Variants in ABI1 observed in about 807,000 individuals in gnomAD.
The protein encoded by ABI1 is Abelson interactor 1.
In ABI1, 14 loss-of-function variants were observed where a neutral mutation model predicts 54.6. The observed-to-expected ratio is 0.26, with a 90% CI of 0.17 to 0.40. The LOEUF (loss-of-function observed/expected upper bound fraction) is 0.40, where lower values mean the gene tolerates loss of function less well. ABI1 is among the 10% of genes least tolerant of loss of function. The pLI, the probability that ABI1 is intolerant of heterozygous loss-of-function variation, is 1.00. For missense variants in ABI1, 443 were observed against 598.3 expected, an observed-to-expected ratio of 0.74 and a Z score of 2.71; for synonymous variants, 194 against 209.3, an observed-to-expected ratio of 0.93 and a Z score of 0.63.
In ABI1 at chr10:26,801,546, C is replaced by CA. The variant is rs879767122; in HGVS notation, c.285+21591dup. ...TAGGCGATAGGACCAGAACTTGTCT[C>CA]AAAAAAAAAAAGGAAAAAAGAAAAT... is the stretch of plus-strand genomic sequence containing the variant. On this transcript the variant is annotated intron_variant, in intron 2 of 10. Transcript: ENST00000376140. Among the ~76,000 whole-genome samples the CA allele has an allele frequency of 9.1e-3, 1,225 of 135,344 alleles. 16 individuals carry two copies. Among genetic ancestry groups the CA allele is most frequent in the African/African-American group, 0.028 (1,043 of 36,752 alleles). The allele number at this position is 135,344 out of a possible 152,430, so 88.8% of individuals were successfully genotyped here.
At chr10:26,849,129 C>G (rs2050205860) in intron 1 of ABI1, among the ~76,000 whole-genome samples, 1 of 152,014 alleles carries the variant, frequency 6.6e-6, no homozygotes, top group South Asian at 2.1e-4. Context: ...ACAGGGGGTC[C>G]ACGAGGTCTA....
chr10:26,758,155 T>C (rs1425496494), intron 8 of ABI1, among the ~76,000 whole-genome samples: 1 of 150,776 alleles, frequency 6.6e-6, no homozygotes, highest in African/African-American at 2.4e-5. Flanking sequence ...TAAAAAGAAC[T>C]TAAAGCAACC....
At chr10:26,822,856 C>G (rs2048072324) in intron 2 of ABI1, among the ~76,000 whole-genome samples, 1 of 152,098 alleles carries the variant, frequency 6.6e-6, no homozygotes, top group Non-Finnish European at 1.5e-5. Flanking sequence ...CAGAAAAGCT[C>G]TTAACAGTAG....
intron 2 of ABI1, among the ~76,000 whole-genome samples, chr10:26,791,227 A>G (rs1331945856): frequency 6.6e-6 from 1 of 152,176 alleles, no homozygotes; most frequent in Non-Finnish European, 1.5e-5. Context: ...CAAAGTAAAA[A>G]TTACTAGAAC....
intron 2 of ABI1, among the ~76,000 whole-genome samples, chr10:26,782,359 C>G (rs997222873): frequency 6.6e-6 from 1 of 151,774 alleles, no homozygotes; most frequent in Admixed American, 6.6e-5. Flanking sequence ...CAAAAAACCT[C>G]AACAACAACA....
At chr10:26,800,242 G>A (rs113240247) in intron 2 of ABI1, among the ~76,000 whole-genome samples, 38 of 151,974 alleles carry the variant, frequency 2.5e-4, no homozygotes, top group African/African-American at 8.2e-4. Context: ...AAAATTAGCC[G>A]GGCATGGTGG....
chr10:26,817,063 G>C (rs1323963332), intron 2 of ABI1, among the ~76,000 whole-genome samples: 1 of 151,514 alleles, frequency 6.6e-6, no homozygotes, highest in African/African-American at 2.4e-5. Flanking sequence ...ACACTGGTGG[G>C]ATCTCAGCTC....
Position 26,747,046 on chromosome 10 carries a change from G to A in ABI1, c.*1524C>T, listed in dbSNP as rs1837011455. 4.4e-6 allele frequency: 1 copy of A among 226,012 alleles called. No individual in the cohort carries two copies. The highest frequency in any genetic ancestry group is 8.8e-6 in the Non-Finnish European group (1 of 113,210). The allele number at this position is 226,012 out of a possible 1,614,324, so 14.0% of individuals were successfully genotyped here. A position where few individuals can be genotyped will look rare whatever the true frequency, so the allele number is the denominator to read the frequency against. On this transcript the variant is annotated 3_prime_UTR_variant, in exon 11 of 11. Transcript: ENST00000376140. ...ACTTTGTTTGTTTAAAATTAACAAA[G>A]GCAAAATGCATATGAAATAGTCACA...
intron 2 of ABI1, among the ~76,000 whole-genome samples, chr10:26,795,151 A>T (rs1386277517): frequency 6.6e-6 from 1 of 151,950 alleles, no homozygotes; most frequent in Non-Finnish European, 1.5e-5. Context: ...CAAAAAAAAA[A>T]AAAAACCAAA....
In ABI1 at chr10:26,769,106, T is replaced by C. The variant is rs1423480242; in HGVS notation, c.579-114A>G. On this transcript the variant is annotated intron_variant, in intron 5 of 10. Coordinates refer to ENST00000376140, the MANE Select transcript of ABI1 (RefSeq NM_001012750.3). Reference sequence around the variant, plus strand: ...ATGTATACCAGGATTTAAAAATATATATGACAAAGTTTGTAATTTTAAAAA... The same window carrying C: ...ATGTATACCAGGATTTAAAAATATACATGACAAAGTTTGTAATTTTAAAAA... 1.7e-5 allele frequency: 13 copies of C among 784,172 alleles called. No homozygotes were observed. In the East Asian group the frequency reaches 4.0e-4, roughly 24 times the overall value. 48.6% of individuals were successfully genotyped at this position (784,172 alleles called of 1,614,324 possible).
chr10:26,760,885 T>C (rs1243976683), intron 7 of ABI1, among the ~76,000 whole-genome samples: 1 of 57,944 alleles, frequency 1.7e-5, no homozygotes, highest in African/African-American at 9.7e-5. Context: ...AAAGACTCCA[T>C]CTCAAAAAAA....
At chr10:26,829,377 G>T (rs2048520331) in intron 1 of ABI1, among the ~76,000 whole-genome samples, 1 of 152,074 alleles carries the variant, frequency 6.6e-6, no homozygotes, top group Non-Finnish European at 1.5e-5. Flanking sequence ...CCTAAAACAG[G>T]CTGTGTATCA....
At chr10:26,835,535 A>G (rs2049006161) in intron 1 of ABI1, among the ~76,000 whole-genome samples, 1 of 151,952 alleles carries the variant, frequency 6.6e-6, no homozygotes, top group Admixed American at 6.6e-5. Context: ...TGATCACACC[A>G]CTGCATTTCA....
chr10:26,763,940 G>C, intron 7 of ABI1: 2 of 1,612,752 alleles, frequency 1.2e-6, no homozygotes, highest in South Asian at 2.2e-5. Flanking sequence ...GCTCCAGAAG[G>C]AGGAGGGACA....
At chr10:26,827,976 C>T (rs1046435732) in intron 1 of ABI1, among the ~76,000 whole-genome samples, 10 of 152,220 alleles carry the variant, frequency 6.6e-5, no homozygotes, top group African/African-American at 2.4e-4. Flanking sequence ...GCATTCACAA[C>T]TTAGCTAAAG....
At chr10:26,858,968 C>G (rs543977865) in intron 1 of ABI1, among the ~76,000 whole-genome samples, 4 of 152,122 alleles carry the variant, frequency 2.6e-5, no homozygotes, top group African/African-American at 7.2e-5. Context: ...ACTTACTGTG[C>G]TCTCCTTTTG....
At chr10:26,839,789 G>GA (rs1225246214) in intron 1 of ABI1, 1 of 700,292 alleles carries the variant, frequency 1.4e-6, no homozygotes, top group Non-Finnish European at 2.6e-6. Context: ...TGTCTCTACA[G>GA]AAAAAATAAA....
chr10:26,831,988 T>C (rs918113790), intron 1 of ABI1, among the ~76,000 whole-genome samples: 4 of 152,228 alleles, frequency 2.6e-5, no homozygotes, highest in Non-Finnish European at 5.9e-5. Context: ...GTCAAAAAAA[T>C]GTTTTACAAC....
intron 1 of ABI1, among the ~76,000 whole-genome samples, chr10:26,826,944 C>T (rs949255343): frequency 2.0e-5 from 3 of 151,244 alleles, no homozygotes; most frequent in South Asian, 2.1e-4. Flanking sequence ...GACGGAGTCT[C>T]GCTCTGTTGC....
Sources: gnomAD v4.1 joint callset for allele counts (sites outside exome capture counted in the v4.1 genomes callset) on GRCh38, gnomAD v4.1.1 for gene constraint, MANE v1.5 for transcripts, NCBI Gene and HGNC (gene_info 2026-07-23, HGNC 2026-07-21) for gene names.